Variants in EPHB2 observed in about 807,000 individuals in gnomAD.
EPHB2 encodes the protein EPH receptor B2, also known as ephrin type-B receptor 2.
In EPHB2, 18 loss-of-function variants were observed where a neutral mutation model predicts 96.4. That is an observed-to-expected ratio of 0.19 (90% confidence interval 0.13 to 0.28). EPHB2 has a LOEUF of 0.28. Among genes scored for constraint, EPHB2 ranks in the 10% least tolerant of loss-of-function variants. EPHB2 has a pLI of 1.00. For missense variants in EPHB2, 989 were observed against 1,355.4 expected (o/e 0.73, Z 4.25); for synonymous variants, 506 against 534.1 (o/e 0.95, Z 0.72).
At chr1:22,870,997 A>G (rs1208409659) in intron 5 of EPHB2, among the ~76,000 whole-genome samples, 1 of 152,192 alleles carries the variant, frequency 6.6e-6, no homozygotes, top group Non-Finnish European at 1.5e-5. Flanking sequence ...AAACACAGAG[A>G]TCATTCTCTA....
At position 22,710,900 on chromosome 1, in the gene EPHB2, C is replaced by G. The variant is rs571466874; in HGVS notation, c.-83C>G. ...CGCCGCGCCTTGCCGCCCCCCCTGGCCCCCCGAGCCCGGGGCGCGCGCTCC... is the reference window on the plus strand; with the variant it reads ...CGCCGCGCCTTGCCGCCCCCCCTGGGCCCCCGAGCCCGGGGCGCGCGCTCC... On this transcript the variant is annotated 5_prime_UTR_variant, in exon 1 of 16. Coordinates refer to ENST00000374630, the MANE Select transcript of EPHB2 (RefSeq NM_017449.5). 6.8e-6 allele frequency: 1 copy of G among 146,218 alleles called. No individual in the cohort carries two copies. The highest frequency in any genetic ancestry group is 1.5e-5 in the Non-Finnish European group (1 of 65,736). 9.1% of individuals were successfully genotyped at this position (146,218 alleles called of 1,614,324 possible). A position where few individuals can be genotyped will look rare whatever the true frequency, so the allele number is the denominator to read the frequency against.
Position 22,864,837 on chromosome 1 carries a change from C to T in EPHB2, c.968-40C>T, listed in dbSNP as rs552240690. 4.8e-5 allele frequency: 66 copies of T among 1,375,732 alleles called. No individual in the cohort carries two copies. In the East Asian group the frequency reaches 7.1e-4, roughly 15 times the overall value. The allele number at this position is 1,375,732 out of a possible 1,614,324, so 85.2% of individuals were successfully genotyped here. A position where few individuals can be genotyped will look rare whatever the true frequency, so the allele number is the denominator to read the frequency against. ...AGTGGTCACATGGGGAATAGTACCC[C>T]CTGAGCCCCCCACTGACCAACACCT... is the stretch of plus-strand genomic sequence containing the variant. On this transcript the variant is annotated intron_variant, in intron 4 of 15. Coordinates refer to ENST00000374630, the MANE Select transcript of EPHB2 (RefSeq NM_017449.5).
chr1:22,881,136 C>T (rs539552387), intron 5 of EPHB2, among the ~76,000 whole-genome samples: 2 of 152,298 alleles, frequency 1.3e-5, no homozygotes, highest in South Asian at 4.1e-4. Context: ...CACAGTGTCT[C>T]ATGCCTATAA....
At chr1:22,744,053 C>A (rs892630345) in intron 1 of EPHB2, among the ~76,000 whole-genome samples, 2 of 152,120 alleles carry the variant, frequency 1.3e-5, no homozygotes, top group African/African-American at 4.8e-5. Context: ...TAAAAAGAAT[C>A]AGATCACATT....
rs753027458 is a variant in EPHB2, at chr1:22,907,935, T to TC, written c.2137-14dup. 2 of 1,613,904 alleles carry TC rather than the reference T, an allele frequency of 1.2e-6. No homozygotes were observed. The highest frequency in any genetic ancestry group is 2.7e-5 in the African/African-American group (2 of 74,922). ...CTGCTCTTCTGTTTACTCTGTGTTT[T>TC]CCCCACTTCTCCCAAAGCAAAACGA... On this transcript the variant is annotated splice_polypyrimidine_tract_variant and intron_variant, in intron 11 of 15. Transcript: ENST00000374630.
chr1:22,823,863 G>A (rs1054150401), intron 3 of EPHB2, among the ~76,000 whole-genome samples: 33 of 152,256 alleles, frequency 2.2e-4, no homozygotes, highest in Non-Finnish European at 1.5e-5. Context: ...ATGGAAAGAT[G>A]AGCGATTGGT....
At chr1:22,728,628 C>G (rs1247715148) in intron 1 of EPHB2, among the ~76,000 whole-genome samples, 2 of 152,238 alleles carry the variant, frequency 1.3e-5, no homozygotes, top group African/African-American at 4.8e-5. Flanking sequence ...AGTTTTCCCA[C>G]CTGGAAGGTT....
In EPHB2 at chr1:22,887,225, T is replaced by A. The variant is rs1031924475; in HGVS notation, c.1428+4742T>A. Among the ~76,000 whole-genome samples, 7 of 152,088 alleles carry A rather than the reference T, an allele frequency of 4.6e-5. No homozygotes were observed. The East Asian group carries it at 1.4e-3, about 29-fold the overall frequency. Reference sequence around the variant, plus strand: ...GGGGTAGGAGCAGAACCAAGAGTCATGTCTCTCCCTGACCTCTCAGACAAG... The same window carrying A: ...GGGGTAGGAGCAGAACCAAGAGTCAAGTCTCTCCCTGACCTCTCAGACAAG... On this transcript the variant is annotated intron_variant, in intron 6 of 15. Coordinates refer to ENST00000374630, the MANE Select transcript of EPHB2 (RefSeq NM_017449.5).
At chr1:22,744,867 A>G (rs1032808144) in intron 1 of EPHB2, among the ~76,000 whole-genome samples, 6 of 152,062 alleles carry the variant, frequency 3.9e-5, no homozygotes, top group Non-Finnish European at 8.8e-5. Context: ...AAAGAAAAAA[A>G]AAGAAAAAAA....
chr1:22,760,586 C>T (rs1644221886), intron 1 of EPHB2, among the ~76,000 whole-genome samples: 1 of 152,238 alleles, frequency 6.6e-6, no homozygotes, highest in Non-Finnish European at 1.5e-5. Context: ...GAGTCTGCCT[C>T]ATGTCATCCT....
intron 6 of EPHB2, among the ~76,000 whole-genome samples, chr1:22,889,917 A>G (rs920103304): frequency 2.6e-5 from 4 of 152,242 alleles, no homozygotes; most frequent in African/African-American, 9.6e-5. Context: ...TTTGTTGTTC[A>G]TCTGAAATTT....
At chr1:22,726,429 T>C (rs1007071038) in intron 1 of EPHB2, among the ~76,000 whole-genome samples, 1 of 133,526 alleles carries the variant, frequency 7.5e-6, no homozygotes, top group Non-Finnish European at 1.7e-5. Flanking sequence ...TTTTTCTTTT[T>C]TTTTTTTATG....
chr1:22,796,566 C>T (rs780772231), intron 3 of EPHB2, among the ~76,000 whole-genome samples: 1 of 152,252 alleles, frequency 6.6e-6, no homozygotes, highest in African/African-American at 2.4e-5. Context: ...CTGTCCCCCC[C>T]ATCCCCCAAA....
chr1:22,728,914 G>A (rs560734937), intron 1 of EPHB2, among the ~76,000 whole-genome samples: 106 of 152,338 alleles, frequency 7.0e-4, no homozygotes, highest in Non-Finnish European at 1.6e-4. Flanking sequence ...CGGGAGGAGT[G>A]TTTTCTCGGC....
intron 4 of EPHB2, among the ~76,000 whole-genome samples, chr1:22,863,806 A>G (rs966154388): frequency 2.0e-5 from 3 of 152,062 alleles, no homozygotes; most frequent in African/African-American, 7.2e-5. Flanking sequence ...TGCAGCCTCA[A>G]CCTCCTGGGC....
chr1:22,825,257 C>T (rs1313648994), intron 3 of EPHB2, among the ~76,000 whole-genome samples: 1 of 152,198 alleles, frequency 6.6e-6, no homozygotes, highest in Non-Finnish European at 1.5e-5. Context: ...AGATCTAATC[C>T]ATGGATGGGG....
intron 5 of EPHB2, among the ~76,000 whole-genome samples, chr1:22,869,572 GAGATGGAATCA>G (rs1204005677): frequency 6.6e-6 from 1 of 152,046 alleles, no homozygotes; most frequent in Non-Finnish European, 1.5e-5. Flanking sequence ...CTAGCAAGCA[GAGATGGAATCA>G]TACAGGAAGG....
At chr1:22,856,456 T>C (rs1645701064) in intron 3 of EPHB2, among the ~76,000 whole-genome samples, 1 of 152,114 alleles carries the variant, frequency 6.6e-6, no homozygotes, top group African/African-American at 2.4e-5. Flanking sequence ...AGACCTGAGT[T>C]TGAGGACCAG....
At chr1:22,856,358 G>A (rs752162281) in intron 3 of EPHB2, among the ~76,000 whole-genome samples, 5 of 152,120 alleles carry the variant, frequency 3.3e-5, no homozygotes, top group Non-Finnish European at 5.9e-5. Flanking sequence ...TCCTTTCTTC[G>A]GCTTGCTGCC....
Sources: allele counts gnomAD v4.1 joint callset (sites outside exome capture counted in the v4.1 genomes callset), GRCh38; gene constraint gnomAD v4.1.1; transcripts MANE v1.5; gene names NCBI Gene and HGNC (gene_info 2026-07-23, HGNC 2026-07-21).